The following RAB27A variants were observed in gnomAD, a reference collection of about 807,000 sequenced individuals.
RAB27A encodes ras-related protein Rab-27A.
A neutral mutation model predicts 20.8 loss-of-function variants in RAB27A; 17 were observed. The ratio of observed to expected loss-of-function variants is 0.82; its 90% CI spans 0.56 to 1.23. The LOEUF (loss-of-function observed/expected upper bound fraction) is 1.23. Among genes scored for constraint, RAB27A ranks in the 50% most tolerant of loss-of-function variants. RAB27A has a pLI of 0.00. For synonymous variants in RAB27A, 85 were observed against 92.8 expected, an observed-to-expected ratio of 0.92 and a Z score of 0.48; for missense variants, 277 against 266.7, an observed-to-expected ratio of 1.04 and a Z score of -0.27.
At position 55,209,952 on chromosome 15, in the gene RAB27A, A is replaced by G. The variant is rs1291683752; in HGVS notation, c.468-4247T>C. On this transcript the variant is annotated intron_variant, in intron 6 of 6. Transcript: ENST00000336787. ...TATATGTATGTACATGTACACACAT[A>G]CGCATATATGTGCGTATGTGTGTAC... Among the ~76,000 whole-genome samples the G allele has an allele frequency of 1.4e-5, 2 of 139,872 alleles. 1 individual carries two copies. Among genetic ancestry groups the G allele is most frequent in the Non-Finnish European group, 3.1e-5 (2 of 63,986 alleles). The allele number at this position is 139,872 out of a possible 152,430, so 91.8% of individuals were successfully genotyped here.
At chr15:55,257,373 A>G (rs1375490566) in intron 2 of RAB27A, among the ~76,000 whole-genome samples, 3 of 152,300 alleles carry the variant, frequency 2.0e-5, no homozygotes, top group East Asian at 3.9e-4. Context: ...GAGGGCCATG[A>G]CTGTACAAGC....
chr15:55,276,016 G>C (rs1022593935), intron 1 of RAB27A, among the ~76,000 whole-genome samples: 1 of 151,284 alleles, frequency 6.6e-6, no homozygotes, highest in Admixed American at 6.6e-5. Context: ...AATTGGTACA[G>C]CCACTATGGA....
chr15:55,268,834 T>G (rs942130383), intron 2 of RAB27A, among the ~76,000 whole-genome samples: 3 of 152,302 alleles, frequency 2.0e-5, no homozygotes, highest in African/African-American at 7.2e-5. Flanking sequence ...AATTCACATG[T>G]TGAAGCCCTA....
At chr15:55,279,645 CAAATG>C (rs759648247) in intron 1 of RAB27A, among the ~76,000 whole-genome samples, 8 of 152,294 alleles carry the variant, frequency 5.3e-5, no homozygotes, top group Non-Finnish European at 8.8e-5. Context: ...TTGTGAGAAT[CAAATG>C]AAATAAGTAA....
rs543894022 is a variant in RAB27A, at chr15:55,231,016, T to C, written c.154-530A>G. Among the ~76,000 whole-genome samples, 74 of 152,342 alleles carry C rather than the reference T, an allele frequency of 4.9e-4. No individual in the cohort carries two copies. In the South Asian group the frequency reaches 0.014, roughly 29 times the overall value. On this transcript the variant is annotated intron_variant, in intron 3 of 6. Transcript: ENST00000336787. ...CTAGTGTCTACTGTTTCTGTCTTTA[T>C]GTCCATGCGTACCCATTGTTTAGTT...
intron 2 of RAB27A, among the ~76,000 whole-genome samples, chr15:55,247,501 C>T (rs1446773562): frequency 6.6e-6 from 1 of 152,130 alleles, no homozygotes; most frequent in Non-Finnish European, 1.5e-5. Flanking sequence ...CTTCCTAGAA[C>T]ATGAAACATG....
intron 2 of RAB27A, among the ~76,000 whole-genome samples, chr15:55,249,234 T>C (rs919169854): frequency 6.6e-6 from 1 of 152,200 alleles, no homozygotes; most frequent in Non-Finnish European, 1.5e-5. Flanking sequence ...GATCACTAAA[T>C]GTGGTCTGCT....
At chr15:55,290,430 A>G (rs1256097037), upstream of RAB27A, 6 of 152,278 alleles carry the variant, frequency 3.9e-5, no homozygotes, top group African/African-American at 2.4e-5. Context: ...TAAGTAAAAA[A>G]TTTCGCAGGA....
At chr15:55,245,885 A>G (rs562794) in intron 2 of RAB27A, among the ~76,000 whole-genome samples, 79,312 of 151,854 alleles carry the variant, frequency 0.52, 21,322 homozygotes, top group East Asian at 0.77. Context: ...CAAGGCAGGC[A>G]GATCACTTGA....
chr15:55,275,918 T>TTA (rs372517292), intron 1 of RAB27A, among the ~76,000 whole-genome samples: 1 of 104,142 alleles, frequency 9.6e-6, no homozygotes, highest in Non-Finnish European at 1.8e-5. Context: ...GATGGCTAAT[T>TTA]AAAAAAAAAA....
chr15:55,284,551 A>G (rs1898098553), intron 1 of RAB27A, among the ~76,000 whole-genome samples: 1 of 152,242 alleles, frequency 6.6e-6, no homozygotes, highest in Non-Finnish European at 1.5e-5. Flanking sequence ...TTCAACAGTT[A>G]TGCGGCTCTC....
At chr15:55,215,469 G>A (rs530840862) in intron 6 of RAB27A, among the ~76,000 whole-genome samples, 4 of 149,064 alleles carry the variant, frequency 2.7e-5, no homozygotes, top group African/African-American at 9.9e-5. Context: ...TGGCTAACAC[G>A]GTGAAACCCC....
At chr15:55,218,412 T>G (rs917862100) in intron 6 of RAB27A, among the ~76,000 whole-genome samples, 2 of 152,216 alleles carry the variant, frequency 1.3e-5, no homozygotes, top group Non-Finnish European at 2.9e-5. Flanking sequence ...AAGTTATTTC[T>G]CAAATCAAGA....
At chr15:55,239,693 A>T (rs1896404628) in intron 2 of RAB27A, among the ~76,000 whole-genome samples, 1 of 152,182 alleles carries the variant, frequency 6.6e-6, no homozygotes, top group Non-Finnish European at 1.5e-5. Flanking sequence ...TGATTGGGGA[A>T]AACCTTTAGC....
chr15:55,208,109 A>T (rs1894740787), intron 6 of RAB27A, among the ~76,000 whole-genome samples: 1 of 152,210 alleles, frequency 6.6e-6, no homozygotes, highest in Non-Finnish European at 1.5e-5. Context: ...TAGGGAAAAA[A>T]TTTACCTAAA....
At chr15:55,246,307 G>A (rs1490061011) in intron 2 of RAB27A, among the ~76,000 whole-genome samples, 1 of 152,062 alleles carries the variant, frequency 6.6e-6, no homozygotes, top group African/African-American at 2.4e-5. Flanking sequence ...ACATAACCCA[G>A]TAGGCAAATA....
chr15:55,297,333 G>C (rs1046589467), intron 2 of RAB27A, among the ~76,000 whole-genome samples: 6 of 152,258 alleles, frequency 3.9e-5, no homozygotes, highest in Non-Finnish European at 7.3e-5. Context: ...AAGGACATGA[G>C]AGAATTTCTT....
intron 2 of RAB27A, among the ~76,000 whole-genome samples, chr15:55,247,053 C>T (rs1173078433): frequency 1.3e-5 from 2 of 152,182 alleles, no homozygotes; most frequent in African/African-American, 4.8e-5. Flanking sequence ...CAGGCTTGAG[C>T]ACTGATCCTG....
chr15:55,230,124 A>G (rs1895971937), intron 4 of RAB27A, among the ~76,000 whole-genome samples: 1 of 152,208 alleles, frequency 6.6e-6, no homozygotes, highest in Admixed American at 6.5e-5. Flanking sequence ...GGTTGAGTAA[A>G]TAGCAAAAGG....
Sources: allele counts gnomAD v4.1 joint callset (sites outside exome capture counted in the v4.1 genomes callset), GRCh38; gene constraint gnomAD v4.1.1; transcripts MANE v1.5; gene names NCBI Gene and HGNC (gene_info 2026-07-23, HGNC 2026-07-21).